Variants in ADAMTSL3 observed in about 807,000 individuals in gnomAD.
ADAMTSL3 encodes the protein ADAMTS-like protein 3.
In ADAMTSL3, 128 loss-of-function variants were observed where a neutral mutation model predicts 201.7. The observed-to-expected ratio is 0.63, with a 90% CI of 0.55 to 0.73. The LOEUF is 0.73. Among genes scored for constraint, ADAMTSL3 ranks in the 30% least tolerant of loss-of-function variants. ADAMTSL3 has a pLI of 0.00. For missense variants in ADAMTSL3, 1,990 were observed against 2,119.6 expected (o/e 0.94, Z 1.20); for synonymous variants, 738 against 748.4 (o/e 0.99, Z 0.23).
intron 6 of ADAMTSL3, among the ~76,000 whole-genome samples, chr15:83,828,503 T>A (rs986421892): frequency 2.0e-5 from 3 of 152,216 alleles, no homozygotes; most frequent in African/African-American, 4.8e-5. Flanking sequence ...CTTTTCCTAA[T>A]TGAATACCCT....
chr15:83,783,444 T>C (rs1333957636), intron 4 of ADAMTSL3, among the ~76,000 whole-genome samples: 1 of 152,106 alleles, frequency 6.6e-6, no homozygotes, highest in Non-Finnish European at 1.5e-5. Flanking sequence ...ACTAATTACT[T>C]TGGTTAAAAG....
chr15:83,963,150 G>T (rs1336965196), intron 19 of ADAMTSL3, among the ~76,000 whole-genome samples: 1 of 152,160 alleles, frequency 6.6e-6, no homozygotes, highest in Non-Finnish European at 1.5e-5. Flanking sequence ...AGTGGTGCCT[G>T]TAACACCAGT....
rs1211902118 is a variant in ADAMTSL3 at position 83,858,764 on chromosome 15, A to G, written c.728-2A>G. Reference sequence around the variant, plus strand: ...TTGCAGTTGCGTTCTGTTCTTTCCCAGGAGAAGAAAATGTAATTGCTGTTC... The same window carrying G: ...TTGCAGTTGCGTTCTGTTCTTTCCCGGGAGAAGAAAATGTAATTGCTGTTC... On this transcript the variant is annotated splice_acceptor_variant, in intron 7 of 29. Transcript: ENST00000286744. LOFTEE classifies it high-confidence loss of function. The G allele has an allele frequency of 6.2e-7, 1 of 1,613,148 alleles. No homozygotes were observed. The highest frequency in any genetic ancestry group is 1.7e-5 in the Admixed American group (1 of 59,922).
intron 2 of ADAMTSL3, among the ~76,000 whole-genome samples, chr15:83,662,637 C>T (rs970835855): frequency 1.3e-5 from 2 of 151,034 alleles, no homozygotes; most frequent in African/African-American, 4.9e-5. Flanking sequence ...AGTTTTGATT[C>T]TCAACTTGAT....
At position 83,870,801 on chromosome 15, in the gene ADAMTSL3, G is replaced by C. The variant is rs1158115315; in HGVS notation, c.803-1G>C. The C allele has an allele frequency of 2.6e-6, 4 of 1,563,938 alleles. No homozygotes were observed. Among genetic ancestry groups the C allele is most frequent in the Non-Finnish European group, 3.4e-6 (4 of 1,160,230 alleles). On this transcript the variant is annotated splice_acceptor_variant, in intron 8 of 29. Coordinates refer to ENST00000286744, the MANE Select transcript of ADAMTSL3 (RefSeq NM_207517.3). LOFTEE classifies it high-confidence loss of function. ...ATTTGAATCATATATTTTAATTTTA[G>C]TTATTGAATCAAAAACACTTCAAGG...
intron 9 of ADAMTSL3, among the ~76,000 whole-genome samples, chr15:83,883,422 C>T (rs930843355): frequency 2.6e-5 from 4 of 152,056 alleles, no homozygotes; most frequent in African/African-American, 9.7e-5. Flanking sequence ...ACCTGCCTGC[C>T]TCAGCTTCCC....
chr15:83,884,689 ATAT>A (rs1185760798), intron 9 of ADAMTSL3, among the ~76,000 whole-genome samples: 1 of 152,184 alleles, frequency 6.6e-6, no homozygotes, highest in East Asian at 1.9e-4. Context: ...GTGCTTAAAT[ATAT>A]TATTATTAAA....
chr15:83,855,410 G>A (rs529940732), intron 7 of ADAMTSL3, among the ~76,000 whole-genome samples: 1 of 152,274 alleles, frequency 6.6e-6, no homozygotes, highest in Admixed American at 6.5e-5. Context: ...GCCTCCTGGG[G>A]AAAAGCTGTT....
intron 17 of ADAMTSL3, 90 bp from the exon 18 acceptor site, chr15:83,942,506 C>A: frequency 7.9e-7 from 1 of 1,260,778 alleles, no homozygotes. Context: ...GTCTGGAAGC[C>A]CAGAGGAGAG....
chr15:83,893,735 C>A (rs1049192774), intron 13 of ADAMTSL3, among the ~76,000 whole-genome samples: 1 of 152,104 alleles, frequency 6.6e-6, no homozygotes. Context: ...GTCAAATTAG[C>A]GTAGTTTTCA....
chr15:83,704,897 C>G (rs2061826028), intron 3 of ADAMTSL3, among the ~76,000 whole-genome samples: 1 of 151,922 alleles, frequency 6.6e-6, no homozygotes, highest in Non-Finnish European at 1.5e-5. Context: ...ATGTTGCATG[C>G]TTTTTTCCCC....
At chr15:83,903,454 A>G (rs1421019898) in intron 15 of ADAMTSL3, among the ~76,000 whole-genome samples, 1 of 152,082 alleles carries the variant, frequency 6.6e-6, no homozygotes, top group African/African-American at 2.4e-5. Flanking sequence ...AGACTCTAGT[A>G]ACCTCTATTC....
At chr15:83,773,254 A>G (rs945137182) in intron 3 of ADAMTSL3, among the ~76,000 whole-genome samples, 7 of 152,202 alleles carry the variant, frequency 4.6e-5, no homozygotes, top group Admixed American at 3.3e-4. Context: ...TCTACTAAAA[A>G]TACAAAAGTT....
At chr15:83,767,022 A>T (rs1158855664) in intron 3 of ADAMTSL3, among the ~76,000 whole-genome samples, 1 of 152,178 alleles carries the variant, frequency 6.6e-6, no homozygotes, top group Non-Finnish European at 1.5e-5. Flanking sequence ...TGAACCGGGG[A>T]GGCAGAGGTT....
intron 13 of ADAMTSL3, among the ~76,000 whole-genome samples, chr15:83,893,669 G>T (rs1235837538): frequency 6.6e-6 from 1 of 152,092 alleles, no homozygotes; most frequent in Non-Finnish European, 1.5e-5. Flanking sequence ...GGGTCAAGTT[G>T]TATGAAAAAA....
intron 7 of ADAMTSL3, among the ~76,000 whole-genome samples, chr15:83,838,926 G>C (rs1326851871): frequency 6.6e-6 from 1 of 152,186 alleles, no homozygotes; most frequent in East Asian, 1.9e-4. Flanking sequence ...AGCTGTTGCA[G>C]TGTAAAAGCA....
chr15:84,013,101 C>T (rs1411997159), intron 23 of ADAMTSL3, among the ~76,000 whole-genome samples: 1 of 152,160 alleles, frequency 6.6e-6, no homozygotes, highest in Non-Finnish European at 1.5e-5. Context: ...TAGGTTTCTA[C>T]AAGTAAATTT....
In ADAMTSL3 at chr15:83,704,528, A is replaced by T; in HGVS notation, c.189+20A>T. On this transcript the variant is annotated intron_variant, in intron 3 of 29. Coordinates refer to ENST00000286744, the MANE Select transcript of ADAMTSL3 (RefSeq NM_207517.3). Reference sequence around the variant, plus strand: ...GACCAGGTAAGAACATTGGACAAGGATCTACCTTTGGCTTTGCTGTTTGCC... The same window carrying T: ...GACCAGGTAAGAACATTGGACAAGGTTCTACCTTTGGCTTTGCTGTTTGCC... 5.0e-6 allele frequency: 8 copies of T among 1,613,342 alleles called. No homozygotes were observed. Among genetic ancestry groups the T allele is most frequent in the Non-Finnish European group, 5.9e-6 (7 of 1,179,896 alleles).
chr15:83,791,941 A>G (rs12914377), intron 4 of ADAMTSL3, among the ~76,000 whole-genome samples: 113,718 of 152,006 alleles, frequency 0.75, 43,053 homozygotes, highest in East Asian at 0.98. Flanking sequence ...GAAGAAACAG[A>G]AGAAAAGCTC....
Sources: allele counts gnomAD v4.1 joint callset (sites outside exome capture counted in the v4.1 genomes callset), GRCh38; gene constraint gnomAD v4.1.1; transcripts MANE v1.5; gene names NCBI Gene and HGNC (gene_info 2026-07-23, HGNC 2026-07-21).